SMIM17: variants seen among roughly 807,000 people sequenced by gnomAD.
SMIM17 encodes the protein small integral membrane protein 17.
SMIM17 carries 10 observed loss-of-function variants against 12.2 expected under a neutral mutation model. That is an observed-to-expected ratio of 0.82 (90% CI 0.50 to 1.39). The LOEUF (loss-of-function observed/expected upper bound fraction) is 1.39. Ranked by LOEUF, SMIM17 falls within the 40% of genes most tolerant of loss-of-function variation. The pLI, the probability that SMIM17 is intolerant of heterozygous loss-of-function variation, is 0.00. For synonymous variants in SMIM17, 50 were observed against 44.1 expected, an observed-to-expected ratio of 1.13 and a Z score of -0.53; for missense variants, 136 against 118.2, an observed-to-expected ratio of 1.15 and a Z score of -0.70.
intron 2 of SMIM17, among the ~76,000 whole-genome samples, chr19:56,646,716 G>C (rs2045066287): frequency 6.6e-6 from 1 of 152,178 alleles, no homozygotes. Context: ...AGAGATTTGG[G>C]ACATCTTTGG....
At chr19:56,649,216 T>C (rs2045090601) in intron 3 of SMIM17, among the ~76,000 whole-genome samples, 1 of 152,154 alleles carries the variant, frequency 6.6e-6, no homozygotes, top group Non-Finnish European at 1.5e-5. Context: ...GGCAAGTTGG[T>C]ATAACAAGGT....
intron 2 of SMIM17, 125 bp from the exon 3 acceptor site, chr19:56,647,433 G>C (rs2045072990): frequency 6.5e-6 from 3 of 461,118 alleles, no homozygotes; most frequent in Non-Finnish European, 1.1e-5. Flanking sequence ...GAGAGAGAGA[G>C]AGAGAGAGAG....
chr19:56,654,916 G>C (rs1397208161), intron 3 of SMIM17, among the ~76,000 whole-genome samples, 187 bp from the exon 4 acceptor site: 1 of 152,130 alleles, frequency 6.6e-6, no homozygotes, highest in Admixed American at 6.5e-5. Flanking sequence ...CATTTCCTCT[G>C]AGAGAGCATA....
intron 3 of SMIM17, among the ~76,000 whole-genome samples, chr19:56,652,026 C>T (rs1268718529): frequency 7.0e-6 from 1 of 141,872 alleles, no homozygotes; most frequent in Admixed American, 7.5e-5. Flanking sequence ...ATCGCTTGAA[C>T]CTGGGAGGCA....
chr19:56,646,541 A>T (rs2045064723), intron 2 of SMIM17, among the ~76,000 whole-genome samples: 2 of 152,020 alleles, frequency 1.3e-5, no homozygotes, highest in African/African-American at 4.8e-5. Flanking sequence ...CCCTCCCCCC[A>T]CAGAAAGAAT....
In SMIM17 at chr19:56,645,369, C is replaced by T. The variant is rs115179751; in HGVS notation, c.-100-199C>T. On this transcript the variant is annotated intron_variant, in intron 1 of 3. Transcript: ENST00000598409. ...ACAATCACTCCCTTTCCAGCTTTGT[C>T]TCCAGAGCACCCTCTAGCGTTTGAC... Among the ~76,000 whole-genome samples the T allele has an allele frequency of 6.3e-3, 965 of 152,240 alleles. 13 individuals carry two copies. Among genetic ancestry groups the T allele is most frequent in the African/African-American group, 0.022 (929 of 41,534 alleles).
chr19:56,643,652 G>A (rs2045041097), intron 1 of SMIM17, among the ~76,000 whole-genome samples: 1 of 152,164 alleles, frequency 6.6e-6, no homozygotes, highest in South Asian at 2.1e-4. Flanking sequence ...TGTCCGCCTG[G>A]GCCCCTGTGG....
At chr19:56,654,858 G>A (rs921661727) in intron 3 of SMIM17, among the ~76,000 whole-genome samples, 4 of 152,106 alleles carry the variant, frequency 2.6e-5, no homozygotes, top group Non-Finnish European at 5.9e-5. Flanking sequence ...TTAAAACTGA[G>A]ATTTAATATA....
At chr19:56,647,307 G>T (rs1443920906) in intron 2 of SMIM17, among the ~76,000 whole-genome samples, 1 of 151,958 alleles carries the variant, frequency 6.6e-6, no homozygotes, top group Non-Finnish European at 1.5e-5. Context: ...ACAGAATTCA[G>T]GTCTTTCATT....
rs1424986513 is a variant in SMIM17 at position 56,652,670 on chromosome 19, A to AG, written c.247-2433_247-2432insG. ...CTCCTTCTCAAAAAAAAGAAAAAAAAAAGAGAGAGAGAGAGAGAGTTATCC... is the reference window on the plus strand; with the variant it reads ...CTCCTTCTCAAAAAAAAGAAAAAAAAGAAGAGAGAGAGAGAGAGAGTTATCC... On this transcript the variant is annotated intron_variant, in intron 3 of 3. Transcript: ENST00000598409. Among the ~76,000 whole-genome samples the AG allele has an allele frequency of 8.3e-3, 1,240 of 148,708 alleles. 19 individuals carry two copies. The highest frequency in any genetic ancestry group is 0.03 in the African/African-American group (1,174 of 38,852).
At position 56,645,685 on chromosome 19, in the gene SMIM17, T is replaced by A; in HGVS notation, c.18T>A (p.Pro6=). 6.5e-7 allele frequency: 1 copy of A among 1,532,300 alleles called. No homozygotes were observed. 94.9% of individuals were successfully genotyped at this position (1,532,300 alleles called of 1,614,324 possible). Residue 6 remains proline (P), a synonymous_variant, in exon 2 of 4, where the codon CCT becomes CCA. Coordinates refer to ENST00000598409, the MANE Select transcript of SMIM17 (RefSeq NM_001193628.2). ...CTGGGGCAATGCAGAGTCTCAGGCCTGAGCAGACACGGGGGCTGCTGGAGC... is the reference window on the plus strand; with the variant it reads ...CTGGGGCAATGCAGAGTCTCAGGCCAGAGCAGACACGGGGGCTGCTGGAGC... MQSLR[P]EQTRGLLEPE... is the part of the protein sequence containing the mutation.
rs1409619816 is a variant in SMIM17 at position 56,645,696 on chromosome 19, G to A, written c.29G>A (p.Arg10Gln). The A allele has an allele frequency of 1.6e-5, 25 of 1,534,396 alleles. No homozygotes were observed. The highest frequency in any genetic ancestry group is 1.4e-4 in the Admixed American group (7 of 50,820). The change falls in exon 2 of 4, where the codon CGG becomes CAG. Residue 10 changes from arginine to glutamine, a missense_variant. Arg to Gln is a conservative substitution (Grantham distance 43). Coordinates refer to ENST00000598409, the MANE Select transcript of SMIM17 (RefSeq NM_001193628.2). MQSLRPEQT[R>Q]GLLEPERTKT... ...CAGAGTCTCAGGCCTGAGCAGACACGGGGGCTGCTGGAGCCTGAGAGGACC... is the reference window on the plus strand; with the variant it reads ...CAGAGTCTCAGGCCTGAGCAGACACAGGGGCTGCTGGAGCCTGAGAGGACC...
chr19:56,646,365 T>G (rs2045063066), intron 2 of SMIM17, among the ~76,000 whole-genome samples: 1 of 152,172 alleles, frequency 6.6e-6, no homozygotes, highest in Non-Finnish European at 1.5e-5. Flanking sequence ...TCTAACTCAG[T>G]GGATTTCAAC....
chr19:56,652,101 CAAAAAAAAAAAAAAA>C (rs57264842), intron 3 of SMIM17, among the ~76,000 whole-genome samples: 1 of 66,856 alleles, frequency 1.5e-5, no homozygotes, highest in Non-Finnish European at 2.6e-5. Context: ...GAGACTCTGC[CAAAAAAAAAAAAAAA>C]AAAAAAAAAA....
intron 1 of SMIM17, among the ~76,000 whole-genome samples, chr19:56,645,290 T>C (rs1278195532): frequency 6.6e-6 from 1 of 152,058 alleles, no homozygotes; most frequent in Non-Finnish European, 1.5e-5. Flanking sequence ...TTTATGTTTG[T>C]ATGTGTGTAT....
chr19:56,651,813 T>G (rs2045111144), intron 3 of SMIM17, among the ~76,000 whole-genome samples: 1 of 152,030 alleles, frequency 6.6e-6, no homozygotes, highest in Non-Finnish European at 1.5e-5. Context: ...CAACAGAATG[T>G]TTTAAGCTGG....
rs920182543 is a variant in SMIM17 at position 56,645,606 on chromosome 19, G to A, written c.-62G>A. The A allele has an allele frequency of 1.1e-5, 15 of 1,395,342 alleles. No homozygotes were observed. Among genetic ancestry groups the A allele is most frequent in the Middle Eastern group, 5.2e-4 (2 of 3,818 alleles). 86.4% of individuals were successfully genotyped at this position (1,395,342 alleles called of 1,614,324 possible). On this transcript the variant is annotated 5_prime_UTR_variant, in exon 2 of 4. Transcript: ENST00000598409. ...AATCTTGTGCCTGGAGAACCAGAGA[G>A]GACCCTGGAGCAGGAGGAGAAAGAG...
intron 3 of SMIM17, among the ~76,000 whole-genome samples, chr19:56,649,611 T>G (rs1367649564): frequency 6.6e-6 from 1 of 151,134 alleles, no homozygotes; most frequent in Non-Finnish European, 1.5e-5. Context: ...CTGAAGGAGG[T>G]GGGGAGTGAG....
At position 56,657,113 on chromosome 19, in the gene SMIM17, A is replaced by G. The variant is rs937505132; in HGVS notation, c.*1900A>G. Among the ~76,000 whole-genome samples the G allele has an allele frequency of 6.6e-6, 1 of 152,170 alleles. No homozygotes were observed. The highest frequency in any genetic ancestry group is 1.5e-5 in the Non-Finnish European group (1 of 68,028). On this transcript the variant is annotated 3_prime_UTR_variant, in exon 4 of 4. Transcript: ENST00000598409. ...AATTTTTATAATCTTTGCTTTATGTACTCAACAGCTGTGTAATTCGAGGCA... is the reference window on the plus strand; with the variant it reads ...AATTTTTATAATCTTTGCTTTATGTGCTCAACAGCTGTGTAATTCGAGGCA...
Sources: allele counts gnomAD v4.1 joint callset (sites outside exome capture counted in the v4.1 genomes callset), GRCh38; gene constraint gnomAD v4.1.1; transcripts MANE v1.5; gene names NCBI Gene and HGNC (gene_info 2026-07-23, HGNC 2026-07-21).